GRM7: variants seen among roughly 807,000 people sequenced by gnomAD.
The protein encoded by GRM7 is glutamate metabotropic receptor 7, also known as metabotropic glutamate receptor 7.
GRM7 carries 35 observed loss-of-function variants against 84.5 expected under a neutral mutation model. The observed-to-expected ratio is 0.41, with a 90% CI of 0.32 to 0.55. The LOEUF is 0.55. GRM7 is among the 20% of genes least tolerant of loss of function. The pLI, the probability that GRM7 is intolerant of heterozygous loss-of-function variation, is 0.19. For missense variants in GRM7, 1,003 were observed against 1,194.6 expected, an observed-to-expected ratio of 0.84 and a Z score of 2.36; for synonymous variants, 487 against 455.1, an observed-to-expected ratio of 1.07 and a Z score of -0.89.
At chr3:7,173,736 T>C (rs539465377) in intron 2 of GRM7, among the ~76,000 whole-genome samples, 12 of 152,248 alleles carry the variant, frequency 7.9e-5, no homozygotes, top group African/African-American at 2.9e-4. Flanking sequence ...ATTTACTCAG[T>C]TAACTCCTGG....
chr3:7,369,531 G>A (rs956779569), intron 4 of GRM7, among the ~76,000 whole-genome samples: 2 of 152,030 alleles, frequency 1.3e-5, no homozygotes, highest in Non-Finnish European at 2.9e-5. Context: ...CTTTTAGCTG[G>A]TTAGACATGT....
intron 8 of GRM7, among the ~76,000 whole-genome samples, chr3:7,615,920 T>G (rs1575558627): frequency 6.6e-6 from 1 of 152,032 alleles, no homozygotes; most frequent in Non-Finnish European, 1.5e-5. Flanking sequence ...ATAACGTATT[T>G]ATATATACTT....
intron 1 of GRM7, among the ~76,000 whole-genome samples, chr3:7,111,775 T>A (rs1246528318): frequency 6.6e-6 from 1 of 152,184 alleles, no homozygotes; most frequent in Non-Finnish European, 1.5e-5. Context: ...CTGGTTGTCT[T>A]CATTTTGGGA....
At position 7,660,605 on chromosome 3, in the gene GRM7, C is replaced by CCAAT. The variant is rs61690047; in HGVS notation, c.2452-19440_2452-19437dup. 7.0e-3 allele frequency among the ~76,000 whole-genome samples: 1,059 copies of CCAAT among 152,134 alleles called. 20 individuals are homozygous for CCAAT. The East Asian group carries it at 0.09, about 13-fold the overall frequency. ...ATTATAATATAAATTCAAATCAATA[C>CCAAT]CAATCAAAATCCCAACAGGCTTCTT... On this transcript the variant is annotated intron_variant, in intron 8 of 9. Coordinates refer to ENST00000357716, the MANE Select transcript of GRM7 (RefSeq NM_000844.4).
chr3:6,974,063 T>C (rs1012111965), intron 1 of GRM7, among the ~76,000 whole-genome samples: 2 of 152,074 alleles, frequency 1.3e-5, no homozygotes, highest in East Asian at 3.9e-4. Flanking sequence ...AATGAAGCGA[T>C]TGGATTCTGG....
chr3:7,482,654 A>G (rs1337900552), intron 7 of GRM7, among the ~76,000 whole-genome samples: 2 of 152,160 alleles, frequency 1.3e-5, no homozygotes, highest in Non-Finnish European at 2.9e-5. Flanking sequence ...ATTGTGAAAG[A>G]CCCTCTATAG....
chr3:7,023,177 C>T (rs1018226075), intron 1 of GRM7, among the ~76,000 whole-genome samples: 12 of 152,122 alleles, frequency 7.9e-5, no homozygotes, highest in East Asian at 1.9e-4. Flanking sequence ...GAAAAGTGTC[C>T]GGGCCTGGTG....
At chr3:6,952,937 C>T (rs75781828) in intron 1 of GRM7, among the ~76,000 whole-genome samples, 18,292 of 152,102 alleles carry the variant, frequency 0.12, 1,267 homozygotes, top group East Asian at 0.33. Flanking sequence ...AAAATTCCAA[C>T]GACAATGGAT....
At chr3:7,105,214 GTGAAGACTTTTCC>G (rs1474522019) in intron 1 of GRM7, among the ~76,000 whole-genome samples, 1 of 151,692 alleles carries the variant, frequency 6.6e-6, no homozygotes, top group Admixed American at 6.6e-5. Flanking sequence ...TGTGTAGAAA[GTGAAGACTTTTCC>G]TGTTTTAAGA....
chr3:7,052,720 G>GTTTTTTTT lies in GRM7; in HGVS notation c.520-93722_520-93715dup, dbSNP rs372132445. Among the ~76,000 whole-genome samples, 715 of 101,200 alleles carry GTTTTTTTT rather than the reference G, an allele frequency of 7.1e-3. 16 individuals carry two copies. Among genetic ancestry groups the GTTTTTTTT allele is most frequent in the African/African-American group, 0.021 (454 of 22,114 alleles). 66.4% of individuals were successfully genotyped at this position (101,200 alleles called of 152,430 possible). A position where few individuals can be genotyped will look rare whatever the true frequency, so the allele number is the denominator to read the frequency against. On this transcript the variant is annotated intron_variant, in intron 1 of 9. Transcript: ENST00000357716. ...ATGCATGTTATTGCAAGTATCGGTA[G>GTTTTTTTT]TTTTTTTTTTTTTTTTTGCATTGCC...
Position 7,474,015 on chromosome 3 carries a change from T to C in GRM7, c.1515+12293T>C, listed in dbSNP as rs570203146. Among the ~76,000 whole-genome samples, 23 of 152,284 alleles carry C rather than the reference T, an allele frequency of 1.5e-4. No homozygotes were observed. The South Asian group carries it at 4.8e-3, about 32-fold the overall frequency. ...TATGGACCAAGTTAGAATCTTTTAA[T>C]CTATGATACCAGCTCTGTGAAGGGT... On this transcript the variant is annotated intron_variant, in intron 7 of 9. Transcript: ENST00000357716.
At chr3:6,970,178 T>C (rs1180798229) in intron 1 of GRM7, among the ~76,000 whole-genome samples, 2 of 149,418 alleles carry the variant, frequency 1.3e-5, no homozygotes, top group East Asian at 2.0e-4. Flanking sequence ...CATCTTCCAG[T>C]GCAAAAAGCT....
intron 7 of GRM7, among the ~76,000 whole-genome samples, chr3:7,504,790 CACA>C: frequency 6.6e-6 from 1 of 152,166 alleles, no homozygotes. Flanking sequence ...CTTTGGAATA[CACA>C]TTTTAGCCAT....
chr3:7,079,361 A>G (rs1314486083), intron 1 of GRM7, among the ~76,000 whole-genome samples: 5 of 152,162 alleles, frequency 3.3e-5, no homozygotes, highest in Admixed American at 3.3e-4. Flanking sequence ...ACAGACAATA[A>G]AGGTCACTGT....
intron 7 of GRM7, among the ~76,000 whole-genome samples, chr3:7,464,249 C>G (rs1868614): frequency 0.24 from 22,972 of 95,476 alleles, 1,952 homozygotes; most frequent in South Asian, 0.41. Context: ...GAATGGGATA[C>G]ATATGTAACG....
At position 7,701,183 on chromosome 3, in the gene GRM7, T is replaced by C. The variant is rs112403798; in HGVS notation, c.2698+20888T>C. ...TGGCATAACGATACAGGGGACCTTG[T>C]TGGCAGGCTGCCCAGTCTGTCTCCA... On this transcript the variant is annotated intron_variant, in intron 9 of 9. Coordinates refer to ENST00000357716, the MANE Select transcript of GRM7 (RefSeq NM_000844.4). Among the ~76,000 whole-genome samples the C allele has an allele frequency of 2.0e-5, 3 of 152,278 alleles. 1 individual carries two copies. Among genetic ancestry groups the C allele is most frequent in the African/African-American group, 4.8e-5 (2 of 41,576 alleles).
chr3:6,951,489 T>C (rs1692761737), intron 1 of GRM7, among the ~76,000 whole-genome samples: 1 of 152,238 alleles, frequency 6.6e-6, no homozygotes, highest in Admixed American at 6.5e-5. Context: ...TGTGTTTTCA[T>C]TAACATTTAG....
At chr3:7,639,526 C>G (rs1247851835) in intron 8 of GRM7, among the ~76,000 whole-genome samples, 3 of 152,132 alleles carry the variant, frequency 2.0e-5, no homozygotes, top group Non-Finnish European at 4.4e-5. Context: ...CATAGATCTC[C>G]TCTATATTAA....
At chr3:7,073,605 A>G (rs1697958692) in intron 1 of GRM7, among the ~76,000 whole-genome samples, 1 of 152,028 alleles carries the variant, frequency 6.6e-6, no homozygotes, top group Non-Finnish European at 1.5e-5. Flanking sequence ...AGAAAAAGAA[A>G]CACTGCATCT....
Sources: gnomAD v4.1 joint callset for allele counts (sites outside exome capture counted in the v4.1 genomes callset) on GRCh38, gnomAD v4.1.1 for gene constraint, MANE v1.5 for transcripts, NCBI Gene and HGNC (gene_info 2026-07-23, HGNC 2026-07-21) for gene names.